Variants in PEAK1 observed in about 807,000 individuals in gnomAD.
PEAK1 encodes pseudopodium enriched atypical kinase 1, also known as inactive tyrosine-protein kinase PEAK1.
In PEAK1, 54 loss-of-function variants were observed where a neutral mutation model predicts 124.7. The ratio of observed to expected loss-of-function variants is 0.43; its 90% confidence interval spans 0.35 to 0.54. The LOEUF is 0.54. Ranked by LOEUF, PEAK1 falls within the 20% of genes least tolerant of loss-of-function variation. PEAK1 has a pLI of 0.01. For synonymous variants in PEAK1, 719 were observed against 760.0 expected (o/e 0.95, Z 0.89); for missense variants, 2,046 against 2,134.5 (o/e 0.96, Z 0.82).
intron 1 of PEAK1, among the ~76,000 whole-genome samples, chr15:77,396,386 A>G (rs531006202): frequency 6.6e-5 from 10 of 152,170 alleles, no homozygotes; most frequent in Admixed American, 6.5e-4. Context: ...CAGGAAACAA[A>G]TAAAAATATG....
chr15:77,259,545 C>G (rs2061333282), intron 5 of PEAK1, among the ~76,000 whole-genome samples: 1 of 152,110 alleles, frequency 6.6e-6, no homozygotes, highest in Non-Finnish European at 1.5e-5. Context: ...TGTTAGGAAA[C>G]AATTTCTTGG....
At chr15:77,205,020 C>T (rs773975586) in intron 6 of PEAK1, 10 of 192,580 alleles carry the variant, frequency 5.2e-5, no homozygotes, top group African/African-American at 7.2e-5. Context: ...AGAAGATTTA[C>T]GTGCAGAAAA....
chr15:77,259,720 A>C (rs1440330250), intron 5 of PEAK1, among the ~76,000 whole-genome samples: 1 of 152,190 alleles, frequency 6.6e-6, no homozygotes, highest in Non-Finnish European at 1.5e-5. Context: ...AGACACAGGC[A>C]ATGCAGTATT....
At chr15:77,417,518 T>C in intron 1 of PEAK1, 1 of 984,792 alleles carries the variant, frequency 1.0e-6, no homozygotes, top group Middle Eastern at 5.2e-4. Flanking sequence ...AATGACAGAA[T>C]AACGCTCATC....
chr15:77,348,549 T>C, intron 2 of PEAK1: 1 of 965,082 alleles, frequency 1.0e-6, no homozygotes, highest in Non-Finnish European at 1.2e-6. Flanking sequence ...AAATAAAAGC[T>C]TGGCAAGCTT....
At chr15:77,233,401 G>A (rs1317358106) in intron 6 of PEAK1, among the ~76,000 whole-genome samples, 1 of 152,052 alleles carries the variant, frequency 6.6e-6, no homozygotes, top group Non-Finnish European at 1.5e-5. Context: ...TCATATAGTT[G>A]ATTACTCCAT....
intron 5 of PEAK1, among the ~76,000 whole-genome samples, chr15:77,276,489 GCA>G (rs1269665359): frequency 2.6e-5 from 4 of 151,916 alleles, no homozygotes; most frequent in Non-Finnish European, 5.9e-5. Flanking sequence ...TCTTTAACCA[GCA>G]AAAATATCCT....
chr15:77,165,417 G>C (rs1261750364), intron 7 of PEAK1, among the ~76,000 whole-genome samples: 1 of 151,982 alleles, frequency 6.6e-6, no homozygotes, highest in South Asian at 2.1e-4. Flanking sequence ...GGCTGATCTC[G>C]AACTCCTGAC....
intron 7 of PEAK1, among the ~76,000 whole-genome samples, chr15:77,171,937 G>C (rs1195843949): frequency 6.6e-6 from 1 of 151,944 alleles, no homozygotes; most frequent in Non-Finnish European, 1.5e-5. Flanking sequence ...TGCCTTATTT[G>C]CTTCTGCATT....
intron 7 of PEAK1, among the ~76,000 whole-genome samples, chr15:77,176,261 GAAAAAAAAAAGAAAAGA>G (rs1436214286): frequency 4.2e-5 from 4 of 94,962 alleles, no homozygotes; most frequent in Non-Finnish European, 6.5e-5. Context: ...ATAATAAGAA[GAAAAAAAAAAGAAAAGA>G]AAAAAAAAAA....
intron 9 of PEAK1, among the ~76,000 whole-genome samples, chr15:77,128,081 GAAAAAA>G (rs753604137): frequency 1.2e-5 from 1 of 84,806 alleles, no homozygotes; most frequent in African/African-American, 4.5e-5. Context: ...TCCATCTCAA[GAAAAAA>G]AAAAAAAAAG....
chr15:77,249,219 G>A (rs909746032), intron 6 of PEAK1, among the ~76,000 whole-genome samples: 1 of 151,850 alleles, frequency 6.6e-6, no homozygotes, highest in Non-Finnish European at 1.5e-5. Flanking sequence ...TGTAAATAAT[G>A]CTTTAAAGAC....
chr15:77,191,075 A>AT (rs925188427), intron 6 of PEAK1, among the ~76,000 whole-genome samples: 1 of 152,150 alleles, frequency 6.6e-6, no homozygotes. Context: ...GAGCACAGTT[A>AT]TTTTTTTCAG....
At chr15:77,130,001 T>C (rs988840551) in intron 9 of PEAK1, among the ~76,000 whole-genome samples, 1 of 152,168 alleles carries the variant, frequency 6.6e-6, no homozygotes, top group African/African-American at 2.4e-5. Context: ...GACATTTATA[T>C]TTAGCATTTA....
chr15:77,210,482 T>C (rs910615240), intron 6 of PEAK1, among the ~76,000 whole-genome samples: 4 of 152,240 alleles, frequency 2.6e-5, no homozygotes, highest in Admixed American at 6.5e-5. Context: ...ATTACCTCCA[T>C]ATCCTTCAGG....
intron 6 of PEAK1, among the ~76,000 whole-genome samples, chr15:77,240,793 A>C (rs990088532): frequency 1.3e-5 from 2 of 152,314 alleles, no homozygotes; most frequent in Non-Finnish European, 2.9e-5. Context: ...ATATTAACAT[A>C]GTAAGTCTGA....
chr15:77,351,690 T>C, intron 2 of PEAK1: 1 of 963,302 alleles, frequency 1.0e-6, no homozygotes, highest in Non-Finnish European at 1.2e-6. Flanking sequence ...TCCAATTCTT[T>C]GTTCAAGGTG....
intron 6 of PEAK1, among the ~76,000 whole-genome samples, chr15:77,244,990 T>C (rs918115370): frequency 6.6e-6 from 1 of 152,236 alleles, no homozygotes. Flanking sequence ...TTTTCTACAA[T>C]ACATAATGCC....
At chr15:77,271,728 CA>C (rs2152955185) in intron 5 of PEAK1, among the ~76,000 whole-genome samples, 1 of 152,222 alleles carries the variant, frequency 6.6e-6, no homozygotes, top group Admixed American at 6.5e-5. Context: ...GGCAACTGAA[CA>C]GTGAGAACAC....
Sources: gnomAD v4.1 joint callset for allele counts (sites outside exome capture counted in the v4.1 genomes callset) on GRCh38, gnomAD v4.1.1 for gene constraint, MANE v1.5 for transcripts, NCBI Gene and HGNC (gene_info 2026-07-23, HGNC 2026-07-21) for gene names.